CAMK2B: variants seen among roughly 807,000 people sequenced by gnomAD.
The protein encoded by CAMK2B is calcium/calmodulin-dependent protein kinase type II subunit beta.
Under a neutral mutation model 93.7 loss-of-function variants are expected in CAMK2B, and 27 were observed. That is an observed-to-expected ratio of 0.29 (90% confidence interval 0.21 to 0.40). The LOEUF (loss-of-function observed/expected upper bound fraction) is 0.40. CAMK2B is among the 10% of genes least tolerant of loss of function. The pLI is 1.00. For synonymous variants in CAMK2B, 374 were observed against 358.8 expected, an observed-to-expected ratio of 1.04 and a Z score of -0.48; for missense variants, 568 against 895.8, an observed-to-expected ratio of 0.63 and a Z score of 4.67.
At chr7:44,323,054 A>T (rs1796514794) in intron 1 of CAMK2B, among the ~76,000 whole-genome samples, 1 of 152,124 alleles carries the variant, frequency 6.6e-6, no homozygotes, top group Non-Finnish European at 1.5e-5. Context: ...CATCCCCCTT[A>T]GGTGCCCTGC....
intron 1 of CAMK2B, among the ~76,000 whole-genome samples, chr7:44,307,934 C>T (rs976682484): frequency 6.6e-6 from 1 of 152,054 alleles, no homozygotes; most frequent in Non-Finnish European, 1.5e-5. Flanking sequence ...GGTGTGACTG[C>T]AGCTCACTGC....
At chr7:44,288,864 G>A (rs1030858916) in intron 1 of CAMK2B, among the ~76,000 whole-genome samples, 4 of 152,092 alleles carry the variant, frequency 2.6e-5, no homozygotes, top group African/African-American at 9.7e-5. Flanking sequence ...CGCGATAATG[G>A]GGTGAAGGCC....
intron 1 of CAMK2B, among the ~76,000 whole-genome samples, chr7:44,285,933 T>C (rs528554086): frequency 5.3e-4 from 81 of 151,848 alleles, no homozygotes; most frequent in Non-Finnish European, 1.1e-3. Context: ...TCTCTTGCTC[T>C]GCTTGATTTT....
intron 1 of CAMK2B, among the ~76,000 whole-genome samples, chr7:44,321,344 C>CT (rs1429180254): frequency 6.6e-6 from 1 of 152,196 alleles, no homozygotes; most frequent in Non-Finnish European, 1.5e-5. Context: ...TAGTCGCTTG[C>CT]TGGCGACTGG....
intron 20 of CAMK2B, among the ~76,000 whole-genome samples, chr7:44,226,213 C>A (rs891267875): frequency 2.0e-5 from 3 of 152,324 alleles, no homozygotes; most frequent in East Asian, 1.9e-4. Context: ...CACCCATTCC[C>A]CTCCCATCAG....
At chr7:44,297,772 A>C (rs911529235) in intron 1 of CAMK2B, among the ~76,000 whole-genome samples, 2 of 152,222 alleles carry the variant, frequency 1.3e-5, no homozygotes, top group African/African-American at 4.8e-5. Flanking sequence ...AAATGGTCAA[A>C]ATAATCTTGA....
rs773260978 is a variant in CAMK2B at position 44,241,808 on chromosome 7, G to A, written c.820-25C>T. The A allele has an allele frequency of 4.4e-6, 7 of 1,593,352 alleles. No individual in the cohort carries two copies. The Middle Eastern group carries it at 5.0e-4, about 114-fold the overall frequency. On this transcript the variant is annotated intron_variant, in intron 10 of 23. Coordinates refer to ENST00000395749, the MANE Select transcript of CAMK2B (RefSeq NM_001220.5). ...GCTGTGGGGAAATGGGTGGTCATAT[G>A]GCAGCCGAGCCCGAGGCACAGGGGA...
At position 44,286,987 on chromosome 7, in the gene CAMK2B, C is replaced by T. The variant is rs928520733; in HGVS notation, c.66-2762G>A. ...GTGCAGGGACCAGGGGTGCAGGGCC[C>T]GGGGGTGAAGAAGGCCCTGCTCTTG... is the stretch of plus-strand genomic sequence containing the variant. On this transcript the variant is annotated intron_variant, in intron 1 of 23. Transcript: ENST00000395749. The surrounding 1 kb of genome is among the most constrained non-coding windows in gnomAD (Gnocchi z 4.0). 2.0e-5 allele frequency among the ~76,000 whole-genome samples: 3 copies of T among 152,188 alleles called. No homozygotes were observed. Among genetic ancestry groups the T allele is most frequent in the Admixed American group, 6.5e-5 (1 of 15,304 alleles).
At position 44,225,725 on chromosome 7, in the gene CAMK2B, G is replaced by A. The variant is rs746417044; in HGVS notation, c.1597+791C>T. On this transcript the variant is annotated intron_variant, in intron 20 of 23. Coordinates refer to ENST00000395749, the MANE Select transcript of CAMK2B (RefSeq NM_001220.5). This position sits in a 1 kb window ranked among gnomAD's most constrained non-coding sequence, Gnocchi z 5.0. ...CCCAGGCCCAGCCTGCAGAGGGGAC[G>A]GTGGCAAGCAGACCCCACCTGTCCC... The A allele has an allele frequency of 8.5e-6, 11 of 1,288,746 alleles. No individual in the cohort carries two copies. Among genetic ancestry groups the A allele is most frequent in the African/African-American group, 6.1e-5 (4 of 65,812 alleles). 79.8% of individuals were successfully genotyped at this position (1,288,746 alleles called of 1,614,324 possible).
intron 14 of CAMK2B, 22 bp from the exon 15 acceptor site, chr7:44,234,483 A>G: frequency 1.3e-6 from 2 of 1,572,770 alleles, no homozygotes; most frequent in Non-Finnish European, 1.7e-6. Flanking sequence ...GGGAAGAGGA[A>G]CTCTTAGGTG....
intron 1 of CAMK2B, among the ~76,000 whole-genome samples, chr7:44,290,014 G>A (rs1424391459): frequency 1.3e-5 from 2 of 152,194 alleles, no homozygotes; most frequent in South Asian, 2.1e-4. Context: ...TCAGTCCTGA[G>A]CCTCACCGGT....
chr7:44,242,701 C>T (rs773690350), intron 8 of CAMK2B, 47 bp from the exon 9 acceptor site: 9 of 1,370,606 alleles, frequency 6.6e-6, no homozygotes, highest in Admixed American at 3.7e-5. Context: ...AGGGTGCCAC[C>T]GTCCATGAAG....
chr7:44,258,275 A>G (rs1221562519), intron 4 of CAMK2B, among the ~76,000 whole-genome samples: 4 of 152,146 alleles, frequency 2.6e-5, no homozygotes, highest in African/African-American at 4.8e-5. Context: ...ACGTGCATGC[A>G]TACACTTGTG....
Position 44,219,344 on chromosome 7 carries a change from G to GTTTTTTTTTTTTTTT in CAMK2B, c.*166_*180dup, listed in dbSNP as rs59312365. The GTTTTTTTTTTTTTTT allele has an allele frequency of 2.8e-5, 1 of 35,184 alleles. No homozygotes were observed. The highest frequency in any genetic ancestry group is 5.2e-5 in the Non-Finnish European group (1 of 19,158). 2.2% of individuals were successfully genotyped at this position (35,184 alleles called of 1,614,324 possible). ...TTTTTGTGGTTGTCGTCGTCATCTTGTTTTTTTTTTTTTTTTTTTTGTTTT... is the reference window on the plus strand; with the variant it reads ...TTTTTGTGGTTGTCGTCGTCATCTTGTTTTTTTTTTTTTTTTTTTTTTTTTTTTTTTTTTTGTTTT... On this transcript the variant is annotated 3_prime_UTR_variant, in exon 24 of 24. Transcript: ENST00000395749.
chr7:44,255,885 CAAAATCCT>C (rs2096829496), intron 4 of CAMK2B, among the ~76,000 whole-genome samples: 1 of 152,232 alleles, frequency 6.6e-6, no homozygotes, highest in South Asian at 2.1e-4. Context: ...TGAATCCCCT[CAAAATCCT>C]TCGAGCAATG....
chr7:44,273,660 C>A (rs1040262021), intron 2 of CAMK2B, among the ~76,000 whole-genome samples: 7 of 152,214 alleles, frequency 4.6e-5, no homozygotes, highest in African/African-American at 1.7e-4. Flanking sequence ...CTCAGGCCAG[C>A]CCCTGGGGGT....
rs973232637 is a variant in CAMK2B, at chr7:44,299,671, T to C, written c.66-15446A>G. 1.4e-4 allele frequency among the ~76,000 whole-genome samples: 22 copies of C among 152,336 alleles called. No homozygotes were observed. In the Middle Eastern group the frequency reaches 0.02, roughly 141 times the overall value. On this transcript the variant is annotated intron_variant, in intron 1 of 23. Coordinates refer to ENST00000395749, the MANE Select transcript of CAMK2B (RefSeq NM_001220.5). ...TCATTTTAGGATCAATAATTTGCAA[T>C]TGACCATTCTTTGTCCATTTCTGGA...
Position 44,218,280 on chromosome 7 carries a change from T to C in CAMK2B, c.*1245A>G, listed in dbSNP as rs1011551397. 3.9e-5 allele frequency: 6 copies of C among 152,624 alleles called. No homozygotes were observed. The highest frequency in any genetic ancestry group is 1.4e-4 in the African/African-American group (6 of 41,460). The allele number at this position is 152,624 out of a possible 1,614,324, so 9.5% of individuals were successfully genotyped here. A position where few individuals can be genotyped will look rare whatever the true frequency, so the allele number is the denominator to read the frequency against. On this transcript the variant is annotated 3_prime_UTR_variant, in exon 24 of 24. Transcript: ENST00000395749. ...TTCAGTAAACCCCTGCACAGACCCT[T>C]GTCTCAGCCCAGAAGCTGGGCAGCC... is the stretch of plus-strand genomic sequence containing the variant.
At position 44,241,815 on chromosome 7, in the gene CAMK2B, G is replaced by A. The variant is rs373864475; in HGVS notation, c.820-32C>T. ...GGAAATGGGTGGTCATATGGCAGCC[G>A]AGCCCGAGGCACAGGGGAGAGGCCA... On this transcript the variant is annotated intron_variant, in intron 10 of 23. Coordinates refer to ENST00000395749, the MANE Select transcript of CAMK2B (RefSeq NM_001220.5). 36 of 1,571,044 alleles carry A rather than the reference G, an allele frequency of 2.3e-5. No homozygotes were observed. In the Admixed American group the frequency reaches 2.7e-4, roughly 12 times the overall value.
Sources: gnomAD v4.1 joint callset for allele counts (sites outside exome capture counted in the v4.1 genomes callset) on GRCh38, gnomAD v4.1.1 for gene constraint, Gnocchi (gnomAD v3.1) non-coding constraint, MANE v1.5 for transcripts, NCBI Gene and HGNC (gene_info 2026-07-23, HGNC 2026-07-21) for gene names.